Variants in RBFOX1 observed in about 807,000 individuals in gnomAD.
The protein encoded by RBFOX1 is RNA binding fox-1 homolog 1, also known as RNA binding protein fox-1 homolog 1.
In RBFOX1, 8 loss-of-function variants were observed where a neutral mutation model predicts 57.7. The observed-to-expected ratio is 0.14, with a 90% CI of 0.08 to 0.25. RBFOX1 has a LOEUF of 0.25. RBFOX1 is among the 10% of genes least tolerant of loss of function. The pLI is 1.00. For missense variants in RBFOX1, 611 were observed against 548.5 expected, an observed-to-expected ratio of 1.11 and a Z score of -1.14; for synonymous variants, 326 against 222.4, an observed-to-expected ratio of 1.47 and a Z score of -4.15.
intron 3 of RBFOX1, among the ~76,000 whole-genome samples, chr16:5,695,014 A>G (rs1313669499): frequency 2.6e-5 from 4 of 152,028 alleles, no homozygotes. Context: ...TATGGATGAC[A>G]TTTAAAACCA....
intron 4 of RBFOX1, among the ~76,000 whole-genome samples, chr16:7,402,587 G>T (rs1483591955): frequency 6.6e-6 from 1 of 152,258 alleles, no homozygotes; most frequent in African/African-American, 2.4e-5. Flanking sequence ...TTATTCCTTG[G>T]TTTCCAGATC....
intron 1 of RBFOX1, among the ~76,000 whole-genome samples, chr16:6,275,001 T>C (rs2075642075): frequency 6.6e-6 from 1 of 152,146 alleles, no homozygotes; most frequent in Admixed American, 6.5e-5. Flanking sequence ...GATATGTCGC[T>C]CTTGTCCGGA....
At chr16:6,487,627 T>C (rs1334989154) in intron 2 of RBFOX1, among the ~76,000 whole-genome samples, 2 of 140,268 alleles carry the variant, frequency 1.4e-5, no homozygotes, top group South Asian at 2.2e-4. Context: ...GATACAATTA[T>C]AGTAGAACTA....
chr16:6,171,509 A>T (rs1480373399), intron 1 of RBFOX1, among the ~76,000 whole-genome samples: 1 of 152,190 alleles, frequency 6.6e-6, no homozygotes, highest in Non-Finnish European at 1.5e-5. Flanking sequence ...GTTTGGTGGG[A>T]TATTTGGCTC....
At chr16:5,668,529 G>A (rs1383859493) in intron 3 of RBFOX1, among the ~76,000 whole-genome samples, 4 of 152,184 alleles carry the variant, frequency 2.6e-5, no homozygotes. Context: ...TGTTATTTGG[G>A]AGCATTAACA....
chr16:6,195,669 A>C (rs992175498), intron 1 of RBFOX1, among the ~76,000 whole-genome samples: 1 of 151,690 alleles, frequency 6.6e-6, no homozygotes, highest in African/African-American at 2.4e-5. Flanking sequence ...CAGTGAGCCG[A>C]GATTGCACCA....
At chr16:5,478,372 G>A (rs1432017668) in intron 2 of RBFOX1, among the ~76,000 whole-genome samples, 1 of 152,114 alleles carries the variant, frequency 6.6e-6, no homozygotes, top group Non-Finnish European at 1.5e-5. Context: ...TGTGCTTCCA[G>A]GAACGGGTAA....
chr16:5,700,441 T>G (rs1226923105), intron 3 of RBFOX1, among the ~76,000 whole-genome samples: 1 of 152,218 alleles, frequency 6.6e-6, no homozygotes, highest in Non-Finnish European at 1.5e-5. Flanking sequence ...TTCTATTGGC[T>G]CACGTTCCTC....
At chr16:7,528,370 C>G (rs2079177712) in intron 5 of RBFOX1, among the ~76,000 whole-genome samples, 1 of 152,204 alleles carries the variant, frequency 6.6e-6, no homozygotes. Flanking sequence ...ACACCCAAAT[C>G]CATCCTTTCT....
At chr16:6,229,951 A>C (rs1451286726) in intron 1 of RBFOX1, among the ~76,000 whole-genome samples, 2 of 152,178 alleles carry the variant, frequency 1.3e-5, no homozygotes, top group Non-Finnish European at 2.9e-5. Context: ...AGGAAAAGAA[A>C]AGGTATGATT....
intron 4 of RBFOX1, among the ~76,000 whole-genome samples, chr16:7,127,816 G>C (rs1483380326): frequency 6.6e-6 from 1 of 152,210 alleles, no homozygotes; most frequent in Non-Finnish European, 1.5e-5. Context: ...ACCTGACTGA[G>C]AGCAAAGGTC....
intron 1 of RBFOX1, among the ~76,000 whole-genome samples, chr16:6,206,861 G>T (rs2097258653): frequency 6.6e-6 from 1 of 152,040 alleles, no homozygotes. Flanking sequence ...TATATTTTGG[G>T]ACATTTTATC....
chr16:6,508,869 C>CA (rs34095008), intron 2 of RBFOX1, among the ~76,000 whole-genome samples: 2,332 of 144,344 alleles, frequency 0.016, 33 homozygotes, highest in Admixed American at 0.029. Context: ...CGAATCATAA[C>CA]AAAAAAAAAA....
At chr16:7,027,188 C>G (rs947813675) in intron 3 of RBFOX1, among the ~76,000 whole-genome samples, 1 of 152,118 alleles carries the variant, frequency 6.6e-6, no homozygotes, top group African/African-American at 2.4e-5. Context: ...AAGGCAGGAG[C>G]TGTATCTTAT....
At chr16:5,891,088 CGTAACT>C (rs1411219166) in intron 4 of RBFOX1, among the ~76,000 whole-genome samples, 1 of 152,152 alleles carries the variant, frequency 6.6e-6, no homozygotes, top group African/African-American at 2.4e-5. Flanking sequence ...ACTTGTCAAC[CGTAACT>C]GTTAGTAGGC....
At chr16:7,586,020 A>G (rs2094104439) in intron 6 of RBFOX1, among the ~76,000 whole-genome samples, 1 of 152,186 alleles carries the variant, frequency 6.6e-6, no homozygotes, top group Non-Finnish European at 1.5e-5. Flanking sequence ...GTCATAAAGG[A>G]TGCAATTAAA....
chr16:7,552,203 C>T (rs2086764034), intron 5 of RBFOX1, among the ~76,000 whole-genome samples: 1 of 152,134 alleles, frequency 6.6e-6, no homozygotes, highest in Non-Finnish European at 1.5e-5. Context: ...ATTTCTCTTT[C>T]CTTGTACTTC....
At chr16:5,715,727 C>T (rs1306189585) in intron 3 of RBFOX1, among the ~76,000 whole-genome samples, 1 of 152,180 alleles carries the variant, frequency 6.6e-6, no homozygotes, top group Non-Finnish European at 1.5e-5. Flanking sequence ...TTGGGGGCAG[C>T]TTTGGGAGGT....
At chr16:6,718,736 T>C (rs2065333004) in intron 3 of RBFOX1, among the ~76,000 whole-genome samples, 1 of 152,194 alleles carries the variant, frequency 6.6e-6, no homozygotes. Context: ...TCACTGAAGG[T>C]AACCATAGTA....
Sources: allele counts gnomAD v4.1 joint callset (sites outside exome capture counted in the v4.1 genomes callset), GRCh38; gene constraint gnomAD v4.1.1; transcripts MANE v1.5; gene names NCBI Gene and HGNC (gene_info 2026-07-23, HGNC 2026-07-21).